The following LEO1 variants were observed in gnomAD, a reference collection of about 807,000 sequenced individuals.
LEO1 encodes the protein RNA polymerase-associated protein LEO1.
In LEO1, 34 loss-of-function variants were observed where a neutral mutation model predicts 80.4. That is an observed-to-expected ratio of 0.42 (90% CI 0.32 to 0.56). The LOEUF is 0.56. LEO1 is among the 20% of genes least tolerant of loss of function. The probability of loss-of-function intolerance (pLI) is 0.10; values close to 1 mark genes in which losing one functional copy is unlikely to be tolerated. For missense variants in LEO1, 631 were observed against 814.2 expected, an observed-to-expected ratio of 0.77 and a Z score of 2.74; for synonymous variants, 262 against 274.9, an observed-to-expected ratio of 0.95 and a Z score of 0.46.
intron 2 of LEO1, among the ~76,000 whole-genome samples, chr15:51,962,861 T>TGTG (rs1337678849): frequency 2.6e-5 from 4 of 151,614 alleles, no homozygotes; most frequent in South Asian, 2.1e-4. Context: ...GCATCCTGAG[T>TGTG]GTGGTGGTGG....
At position 51,971,728 on chromosome 15, in the gene LEO1, A is replaced by T; in HGVS notation, c.18T>A (p.Asp6Glu). 1 of 1,614,094 alleles carries T rather than the reference A, an allele frequency of 6.2e-7. No homozygotes were observed. The highest frequency in any genetic ancestry group is 8.5e-7 in the Non-Finnish European group (1 of 1,180,030). MADMEDLFGSDADSEA... is the reference protein window; with the variant it reads MADMEELFGSDADSEA... ...CGCTGTCGGCGTCGCTCCCGAAGAG[A>T]TCCTCCATATCCGCCATTATCGCTC... The change falls in exon 1 of 12, where the codon GAT becomes GAA. Residue 6 changes from aspartate to glutamate, a missense_variant. Transcript: ENST00000299601.
chr15:51,967,978 G>A (rs942797567), intron 1 of LEO1, among the ~76,000 whole-genome samples: 2 of 152,150 alleles, frequency 1.3e-5, no homozygotes, highest in African/African-American at 2.4e-5. Flanking sequence ...GAGGTCAGGA[G>A]TTTGAGATCA....
In LEO1 at chr15:51,966,475, C is replaced by T. The variant is rs1307556012; in HGVS notation, c.88G>A (p.Asp30Asn). The change falls in exon 2 of 12, where the codon GAT (aspartate) becomes AAT (asparagine). Residue 30 changes from aspartate to asparagine, a missense_variant. Around this residue, in one of 4 missense-constraint regions of LEO1, gnomAD observed 394 missense variants for 395.6 expected, o/e 1.00. Transcript: ENST00000299601. The stretch of plus-strand genomic sequence containing the variant: ...CTGCCAGAGGCAGCATTCTCTTGAT[C>T]AGAATCTGAGTCAGATCCAGAATCA... Reference protein sequence around the residue: ...DSDSGSDSDSDQENAASGSNA... With the variant: ...DSDSGSDSDSNQENAASGSNA... 4 of 1,609,924 alleles carry T rather than the reference C, an allele frequency of 2.5e-6. No individual in the cohort carries two copies. The highest frequency in any genetic ancestry group is 2.5e-6 in the Non-Finnish European group (3 of 1,177,324).
chr15:51,949,737 G>T, intron 10 of LEO1, 71 bp downstream of exon 10: 3 of 1,307,018 alleles, frequency 2.3e-6, no homozygotes, highest in East Asian at 2.3e-5. Flanking sequence ...TTGGCAGCCG[G>T]ATTACATCTA....
intron 1 of LEO1, among the ~76,000 whole-genome samples, chr15:51,970,959 T>A (rs2057118043): frequency 6.6e-6 from 1 of 152,018 alleles, no homozygotes; most frequent in African/African-American, 2.4e-5. Context: ...TCTAAAAAAG[T>A]AAACTTTAAA....
At chr15:51,941,968 T>C (rs1243251119) in intron 11 of LEO1, among the ~76,000 whole-genome samples, 2 of 152,226 alleles carry the variant, frequency 1.3e-5, no homozygotes, top group African/African-American at 2.4e-5. Flanking sequence ...CACTCTAATA[T>C]AGACTGGCCC....
rs1489913060 is a variant in LEO1 at position 51,966,283 on chromosome 15, A to G, written c.280T>C (p.Ser94Pro). 1 of 1,614,132 alleles carries G rather than the reference A, an allele frequency of 6.2e-7. No individual in the cohort carries two copies. The highest frequency in any genetic ancestry group is 1.7e-5 in the Admixed American group (1 of 60,012). Residue 94 changes from serine (S) to proline (P), a missense_variant, in exon 2 of 12, where the codon TCT (serine) becomes CCT (proline). This residue lies in a region of LEO1 where 394 missense variants were observed against 395.6 expected (regional missense o/e 1.00). Coordinates refer to ENST00000299601, the MANE Select transcript of LEO1 (RefSeq NM_138792.4). ...GAGGGGTCATTGTCCTCATGGTCAG[A>G]ACGCTCAGAAGCTTCTGATCTATTG... ...SDNRSEASER[S>P]DHEDNDPSDV...
At chr15:51,959,443 C>T (rs1338565267) in intron 5 of LEO1, among the ~76,000 whole-genome samples, 2 of 152,206 alleles carry the variant, frequency 1.3e-5, no homozygotes, top group African/African-American at 2.4e-5. Context: ...TAGCTTTCCA[C>T]ATCATTGTGC....
At chr15:51,946,617 G>A (rs1007820478) in intron 11 of LEO1, among the ~76,000 whole-genome samples, 22 of 151,352 alleles carry the variant, frequency 1.5e-4, no homozygotes, top group African/African-American at 5.3e-4. Flanking sequence ...GTGCAGTGGT[G>A]CAATCATGTC....
intron 11 of LEO1, 141 bp downstream of exon 11, chr15:51,947,151 G>A (rs1265033643): frequency 5.7e-6 from 4 of 703,376 alleles, no homozygotes; most frequent in African/African-American, 3.5e-5. Flanking sequence ...ACTCTGTCTT[G>A]TTACTGCATT....
intron 6 of LEO1, 118 bp downstream of exon 6, chr15:51,958,624 C>A (rs984794046): frequency 1.5e-6 from 1 of 649,736 alleles, no homozygotes; most frequent in Non-Finnish European, 2.7e-6. Flanking sequence ...ATCAAAAGAA[C>A]ACAGCCATAT....
intron 11 of LEO1, 23 bp downstream of exon 11, chr15:51,947,269 G>A (rs764366939): frequency 2.7e-6 from 4 of 1,507,196 alleles, no homozygotes; most frequent in Non-Finnish European, 2.8e-6. Context: ...TAAACCCCTA[G>A]AATTGAATAA....
At chr15:51,951,804 C>T (rs2056951173) in intron 9 of LEO1, 40 bp downstream of exon 9, 2 of 1,577,188 alleles carry the variant, frequency 1.3e-6, no homozygotes, top group Non-Finnish European at 1.7e-6. Context: ...CCTAATATAC[C>T]AAAGAATCCC....
chr15:51,942,942 A>AAC (rs2056867361), intron 11 of LEO1, among the ~76,000 whole-genome samples: 2 of 151,284 alleles, frequency 1.3e-5, no homozygotes, highest in East Asian at 3.9e-4. Flanking sequence ...AAAAAACCAA[A>AAC]AAAAAAACAA....
At chr15:51,971,073 A>G (rs1187835380) in intron 1 of LEO1, among the ~76,000 whole-genome samples, 1 of 152,208 alleles carries the variant, frequency 6.6e-6, no homozygotes, top group East Asian at 1.9e-4. Flanking sequence ...CTCTGTACAC[A>G]GACCCCATGC....
At chr15:51,952,510 C>G (rs1189788404) in intron 8 of LEO1, among the ~76,000 whole-genome samples, 2 of 152,090 alleles carry the variant, frequency 1.3e-5, no homozygotes, top group East Asian at 1.9e-4. Context: ...TCATAACCAA[C>G]ATTATTGTGC....
At chr15:51,947,678 G>GC (rs3834956) in intron 10 of LEO1, among the ~76,000 whole-genome samples, 22,926 of 152,006 alleles carry the variant, frequency 0.15, 3,361 homozygotes, top group East Asian at 0.55. Flanking sequence ...TCCTTCTTCA[G>GC]CCCCCTAAAG....
At position 51,966,183 on chromosome 15, in the gene LEO1, C is replaced by T; in HGVS notation, c.380G>A (p.Ser127Asn). ...EDEGHRSDGG[S>N]HHSEAEGSEK... Reference sequence around the variant, plus strand: ...AGAACCTTCTGCTTCTGAATGATGGCTCCCTCCATCCGATCTATGACCTTC... The same window carrying T: ...AGAACCTTCTGCTTCTGAATGATGGTTCCCTCCATCCGATCTATGACCTTC... The change falls in exon 2 of 12, where the codon AGC (serine) becomes AAC (asparagine). Residue 127 changes from serine to asparagine, a missense_variant. This residue lies in a region of LEO1 where 394 missense variants were observed against 395.6 expected (regional missense o/e 1.00). Coordinates refer to ENST00000299601, the MANE Select transcript of LEO1 (RefSeq NM_138792.4). 1 of 1,613,972 alleles carries T rather than the reference C, an allele frequency of 6.2e-7. No individual in the cohort carries two copies. The highest frequency in any genetic ancestry group is 1.1e-5 in the South Asian group (1 of 91,078).
chr15:51,954,682 A>C, intron 6 of LEO1, 107 bp from the exon 7 acceptor site: 1 of 731,540 alleles, frequency 1.4e-6, no homozygotes. Flanking sequence ...CAGAGGTGAC[A>C]GATGTATGTG....
Sources: allele counts gnomAD v4.1 joint callset (sites outside exome capture counted in the v4.1 genomes callset), GRCh38; gene constraint gnomAD v4.1.1; regional missense constraint gnomAD v4.1.1; transcripts MANE v1.5; gene names NCBI Gene and HGNC (gene_info 2026-07-23, HGNC 2026-07-21).